Variants in ROR1 observed in about 807,000 individuals in gnomAD.
The protein encoded by ROR1 is inactive tyrosine-protein kinase transmembrane receptor ROR1.
Under a neutral mutation model 78.8 loss-of-function variants are expected in ROR1, and 19 were observed. That is an observed-to-expected ratio of 0.24 (90% confidence interval 0.17 to 0.35). The LOEUF (loss-of-function observed/expected upper bound fraction) is 0.35, where lower values mean the gene tolerates loss of function less well. ROR1 is among the 10% of genes least tolerant of loss of function. ROR1 has a pLI of 1.00. For missense variants in ROR1, 917 were observed against 1,177.8 expected (o/e 0.78, Z 3.24); for synonymous variants, 386 against 433.6 (o/e 0.89, Z 1.36).
intron 4 of ROR1, among the ~76,000 whole-genome samples, chr1:64,077,915 T>A (rs936532451): frequency 2.6e-5 from 4 of 152,236 alleles, no homozygotes; most frequent in Non-Finnish European, 4.4e-5. Flanking sequence ...GAGTTCCTAC[T>A]ATGTGCTCAA....
chr1:63,815,474 TTTTCTTTTTC>T (rs1185930794), intron 1 of ROR1, among the ~76,000 whole-genome samples: 15 of 128,330 alleles, frequency 1.2e-4, no homozygotes, highest in African/African-American at 7.1e-4. Context: ...TTTTCTTTTC[TTTTCTTTTTC>T]TTTTTTTTTT....
chr1:63,936,778 A>T (rs1284156571), intron 1 of ROR1, among the ~76,000 whole-genome samples: 3 of 152,196 alleles, frequency 2.0e-5, no homozygotes, highest in Non-Finnish European at 4.4e-5. Context: ...TGCTATCAGG[A>T]ACAAATGAAG....
At chr1:64,026,446 C>G (rs1246229308) in intron 2 of ROR1, among the ~76,000 whole-genome samples, 1 of 152,192 alleles carries the variant, frequency 6.6e-6, no homozygotes, top group African/African-American at 2.4e-5. Context: ...TTGATTATGA[C>G]TCAAGTTTTC....
chr1:64,127,133 A>T (rs1383522839), intron 4 of ROR1, among the ~76,000 whole-genome samples: 1 of 151,418 alleles, frequency 6.6e-6, no homozygotes, highest in African/African-American at 2.4e-5. Context: ...TTCCATCTAA[A>T]CTCCTTCCAC....
At position 63,926,048 on chromosome 1, in the gene ROR1, G is replaced by A. The variant is rs1032941699; in HGVS notation, c.92-83257G>A. ...ATCCCATTTGTCAATTTTGTCTTTT[G>A]TTGCCATTGCTTTTGGTGTTTTAGA... is the stretch of plus-strand genomic sequence containing the variant. On this transcript the variant is annotated intron_variant, in intron 1 of 8. Coordinates refer to ENST00000371079, the MANE Select transcript of ROR1 (RefSeq NM_005012.4). 9.9e-5 allele frequency among the ~76,000 whole-genome samples: 15 copies of A among 152,222 alleles called. No individual in the cohort carries two copies. In the East Asian group the frequency reaches 2.3e-3, roughly 23 times the overall value.
intron 1 of ROR1, among the ~76,000 whole-genome samples, chr1:63,949,311 T>C (rs1645914954): frequency 6.6e-6 from 1 of 152,196 alleles, no homozygotes; most frequent in African/African-American, 2.4e-5. Flanking sequence ...ACTTTCTTTT[T>C]TCCCACTCCA....
At chr1:63,817,926 C>T (rs552238220) in intron 1 of ROR1, among the ~76,000 whole-genome samples, 34 of 152,262 alleles carry the variant, frequency 2.2e-4, no homozygotes, top group Admixed American at 8.5e-4. Flanking sequence ...TAGAGAAATG[C>T]AGAGTGTCTC....
chr1:64,121,508 T>G (rs1362878305), intron 4 of ROR1, among the ~76,000 whole-genome samples: 3 of 152,176 alleles, frequency 2.0e-5, no homozygotes, highest in Middle Eastern at 3.2e-3. Context: ...GCAGGGATTT[T>G]GGGATGTTTT....
intron 4 of ROR1, among the ~76,000 whole-genome samples, chr1:64,117,904 A>G (rs2100683071): frequency 6.6e-6 from 1 of 152,348 alleles, no homozygotes; most frequent in Non-Finnish European, 1.5e-5. Context: ...TCTTCATACA[A>G]ATAATTAAAA....
intron 2 of ROR1, among the ~76,000 whole-genome samples, chr1:64,029,579 G>A (rs1383790236): frequency 6.6e-6 from 1 of 152,170 alleles, no homozygotes; most frequent in Non-Finnish European, 1.5e-5. Context: ...ATCAGTTTCT[G>A]GTAAGGGCTC....
At chr1:64,041,327 A>G (rs1019019778) in intron 2 of ROR1, among the ~76,000 whole-genome samples, 1 of 152,162 alleles carries the variant, frequency 6.6e-6, no homozygotes. Context: ...AACAATCTAA[A>G]TGCTGGAGAC....
At chr1:64,065,971 C>T (rs1646952701) in intron 4 of ROR1, among the ~76,000 whole-genome samples, 1 of 152,206 alleles carries the variant, frequency 6.6e-6, no homozygotes. Flanking sequence ...GGAACCCACT[C>T]CTAGAACTTG....
chr1:64,062,376 A>C (rs1557633360), intron 4 of ROR1, among the ~76,000 whole-genome samples: 1 of 152,076 alleles, frequency 6.6e-6, no homozygotes, highest in African/African-American at 2.4e-5. Flanking sequence ...CAGTGGCACA[A>C]TCTTGGCTCA....
At chr1:64,100,490 G>T (rs1647485092) in intron 4 of ROR1, among the ~76,000 whole-genome samples, 1 of 152,008 alleles carries the variant, frequency 6.6e-6, no homozygotes, top group Non-Finnish European at 1.5e-5. Flanking sequence ...CTTGTCTCAA[G>T]AAATAAGCAA....
intron 4 of ROR1, chr1:64,105,172 T>C (rs1367430517): frequency 6.6e-6 from 1 of 152,222 alleles, no homozygotes; most frequent in African/African-American, 2.4e-5. Context: ...TGTGAGATGG[T>C]ATCTCATTGT....
At chr1:64,020,296 A>G (rs1007552616) in intron 2 of ROR1, among the ~76,000 whole-genome samples, 1 of 152,214 alleles carries the variant, frequency 6.6e-6, no homozygotes, top group African/African-American at 2.4e-5. Context: ...TTCTTAATCA[A>G]TATATTATGT....
At chr1:64,130,107 C>G (rs901276009) in intron 4 of ROR1, among the ~76,000 whole-genome samples, 9 of 152,192 alleles carry the variant, frequency 5.9e-5, no homozygotes, top group African/African-American at 2.2e-4. Context: ...CAAATTGTCA[C>G]TGACCAGATG....
chr1:63,943,318 T>C (rs1159147289), intron 1 of ROR1, among the ~76,000 whole-genome samples: 1 of 152,168 alleles, frequency 6.6e-6, no homozygotes, highest in Non-Finnish European at 1.5e-5. Context: ...GTAGCAATCC[T>C]TGAGTGAAGC....
chr1:64,146,067 C>T (rs1389486843), intron 7 of ROR1, among the ~76,000 whole-genome samples: 1 of 152,194 alleles, frequency 6.6e-6, no homozygotes. Context: ...GATCTTGCTA[C>T]GTTGCCCAGG....
Sources: allele counts gnomAD v4.1 joint callset (sites outside exome capture counted in the v4.1 genomes callset), GRCh38; gene constraint gnomAD v4.1.1; transcripts MANE v1.5; gene names NCBI Gene and HGNC (gene_info 2026-07-23, HGNC 2026-07-21).